TAS2R5: variants seen among roughly 807,000 people sequenced by gnomAD.
The protein encoded by TAS2R5 is taste receptor type 2 member 5.
In TAS2R5, 11 loss-of-function variants were observed where a neutral mutation model predicts 14.4. The observed-to-expected ratio is 0.77, with a 90% CI of 0.48 to 1.27. TAS2R5 has a LOEUF of 1.27. TAS2R5 is among the 50% of genes most tolerant of loss of function. The pLI, the probability that TAS2R5 is intolerant of heterozygous loss-of-function variation, is 0.00. For synonymous variants in TAS2R5, 120 were observed against 137.1 expected (o/e 0.87, Z 0.87); for missense variants, 339 against 353.9 (o/e 0.96, Z 0.34).
In TAS2R5 at chr7:141,790,244, A is replaced by G. The variant is rs185273213; in HGVS notation, c.-118A>G. On this transcript the variant is annotated 5_prime_UTR_variant, in exon 1 of 1. Coordinates refer to ENST00000247883, the MANE Select transcript of TAS2R5 (RefSeq NM_018980.3). ...GCTGTTCAGTCTCGCTTGAAGACAG[A>G]TTACGGAAGGACGAGGCCAAATCCA... The G allele has an allele frequency of 2.4e-5, 27 of 1,117,688 alleles. No individual in the cohort carries two copies. The African/African-American group carries it at 4.0e-4, about 17-fold the overall frequency. 69.2% of individuals were successfully genotyped at this position (1,117,688 alleles called of 1,614,324 possible).
In TAS2R5 at chr7:141,791,291, C is replaced by T; in HGVS notation, c.*30C>T. On this transcript the variant is annotated 3_prime_UTR_variant, in exon 1 of 1. Coordinates refer to ENST00000247883, the MANE Select transcript of TAS2R5 (RefSeq NM_018980.3). The stretch of plus-strand genomic sequence containing the variant: ...GGAAGAAAAGTGTGGTCAGGACACT[C>T]TTGGGACGCTCTTTTGATAGCTCTC... 6.3e-7 allele frequency: 1 copy of T among 1,576,904 alleles called. No homozygotes were observed. The highest frequency in any genetic ancestry group is 1.2e-5 in the South Asian group (1 of 84,116).
chr7:141,790,586 C>T lies in TAS2R5; in HGVS notation c.225C>T (p.Ser75=), dbSNP rs1255886219. 18 of 1,614,074 alleles carry T rather than the reference C, an allele frequency of 1.1e-5. No individual in the cohort carries two copies. Among genetic ancestry groups the T allele is most frequent in the Non-Finnish European group, 1.4e-5 (16 of 1,180,052 alleles). Reference sequence around the variant, plus strand: ...GCTTGTTTCCACTTTTCCAGAGCAGCCGTTGGCTTCGCTATCTTAGTATCT... The same window carrying T: ...GCTTGTTTCCACTTTTCCAGAGCAGTCGTTGGCTTCGCTATCTTAGTATCT... The part of the protein sequence containing the change: ...DLSLFPLFQS[S]RWLRYLSIFW... The change falls in exon 1 of 1, where the codon AGC becomes AGT. Residue 75 remains serine (S), a synonymous_variant. Transcript: ENST00000247883.
Position 141,790,490 on chromosome 7 carries a change from A to C in TAS2R5, c.129A>C (p.Ser43=), listed in dbSNP as rs1432630198. 6.2e-7 allele frequency: 1 copy of C among 1,614,108 alleles called. No individual in the cohort carries two copies. The highest frequency in any genetic ancestry group is 1.3e-5 in the African/African-American group (1 of 74,926). ...REWIRKFNWS[S]YNLIILGLAG... is the part of the protein sequence containing the mutation. The stretch of plus-strand genomic sequence containing the variant: ...GGATCAGAAAATTCAACTGGTCCTC[A>C]TATAACCTCATTATCCTGGGCCTGG... The change falls in exon 1 of 1, where the codon TCA becomes TCC. Residue 43 remains serine (S), a synonymous_variant. Coordinates refer to ENST00000247883, the MANE Select transcript of TAS2R5 (RefSeq NM_018980.3).
chr7:141,791,160 C>G lies in TAS2R5; in HGVS notation c.799C>G (p.Leu267Val), dbSNP rs1282677422. 5 of 1,614,176 alleles carry G rather than the reference C, an allele frequency of 3.1e-6. No individual in the cohort carries two copies. The highest frequency in any genetic ancestry group is 4.5e-5 in the East Asian group (2 of 44,876). Residue 267 changes from leucine to valine, a missense_variant, in exon 1 of 1, where the codon CTT becomes GTT. By Grantham distance (32) the Leu-to-Val change is conservative. Transcript: ENST00000247883. ...WETLMAAYPS[L>V]HSLILIMGIP... ...GACACTCATGGCAGCCTATCCTTCT[C>G]TTCATTCTCTCATATTGATCATGGG...
rs566218824 is a variant in TAS2R5 at position 141,791,343 on chromosome 7, T to C, written c.*82T>C. 17 of 1,412,890 alleles carry C rather than the reference T, an allele frequency of 1.2e-5. No individual in the cohort carries two copies. In the South Asian group the frequency reaches 2.4e-4, roughly 20 times the overall value. 87.5% of individuals were successfully genotyped at this position (1,412,890 alleles called of 1,614,324 possible). The stretch of plus-strand genomic sequence containing the variant: ...ATAAGGGAGCTGCTTTCCATGTCTT[T>C]TAAGATTTTCCTTCTTTTACACCAA... On this transcript the variant is annotated 3_prime_UTR_variant, in exon 1 of 1. Coordinates refer to ENST00000247883, the MANE Select transcript of TAS2R5 (RefSeq NM_018980.3).
At chr7:141,790,453 GT>G in the TAS2R5 span, 1 of 1,614,178 alleles carries the variant, frequency 6.2e-7, no homozygotes, top group Non-Finnish European at 8.5e-7. Flanking sequence ...GTGGTCTGGA[GT>G]TTTAGAGAAT....
At position 141,790,285 on chromosome 7, in the gene TAS2R5, A is replaced by G. The variant is rs373472323; in HGVS notation, c.-77A>G. ...GCCAAATCCAGATTTTGTGGTGTGAAAATTTACCCTGGTGTGTTATCACTA... is the reference window on the plus strand; with the variant it reads ...GCCAAATCCAGATTTTGTGGTGTGAGAATTTACCCTGGTGTGTTATCACTA... On this transcript the variant is annotated 5_prime_UTR_variant, in exon 1 of 1. Coordinates refer to ENST00000247883, the MANE Select transcript of TAS2R5 (RefSeq NM_018980.3). The G allele has an allele frequency of 9.1e-5, 137 of 1,508,584 alleles. 1 individual carries two copies. In the African/African-American group the frequency reaches 1.8e-3, roughly 19 times the overall value. 93.4% of individuals were successfully genotyped at this position (1,508,584 alleles called of 1,614,324 possible). A position where few individuals can be genotyped will look rare whatever the true frequency, so the allele number is the denominator to read the frequency against.
chr7:141,791,009 T>C lies in TAS2R5; in HGVS notation c.648T>C (p.Ala216=), dbSNP rs1245277801. ...SAGRRDVRAK[A]HITALKSLGC... ...GTAGGAGGGATGTCCGGGCCAAGGC[T>C]CACATCACTGCGCTGAAGTCCTTGG... is the stretch of plus-strand genomic sequence containing the variant. The change falls in exon 1 of 1, where the codon GCT becomes GCC. Residue 216 remains alanine, a synonymous_variant. Coordinates refer to ENST00000247883, the MANE Select transcript of TAS2R5 (RefSeq NM_018980.3). 8.7e-6 allele frequency: 14 copies of C among 1,614,086 alleles called. No homozygotes were observed. The highest frequency in any genetic ancestry group is 2.2e-5 in the East Asian group (1 of 44,888).
At position 141,790,287 on chromosome 7, in the gene TAS2R5, A is replaced by G; in HGVS notation, c.-75A>G. On this transcript the variant is annotated 5_prime_UTR_variant, in exon 1 of 1. Coordinates refer to ENST00000247883, the MANE Select transcript of TAS2R5 (RefSeq NM_018980.3). The stretch of plus-strand genomic sequence containing the variant: ...CAAATCCAGATTTTGTGGTGTGAAA[A>G]TTTACCCTGGTGTGTTATCACTACC... The G allele has an allele frequency of 6.6e-7, 1 of 1,514,348 alleles. No individual in the cohort carries two copies. The highest frequency in any genetic ancestry group is 8.9e-7 in the Non-Finnish European group (1 of 1,127,664). 93.8% of individuals were successfully genotyped at this position (1,514,348 alleles called of 1,614,324 possible).
In TAS2R5 at chr7:141,790,955, C is replaced by A; in HGVS notation, c.594C>A (p.His198Gln). 6.2e-7 allele frequency: 1 copy of A among 1,614,154 alleles called. No individual in the cohort carries two copies. The highest frequency in any genetic ancestry group is 8.5e-7 in the Non-Finnish European group (1 of 1,180,044). The change falls in exon 1 of 1, where the codon CAC becomes CAA. Residue 198 changes from histidine (H) to glutamine (Q), a missense_variant. His to Gln is a conservative substitution (Grantham distance 24). Transcript: ENST00000247883. ...TGCTGATTGTCTCTTTGTATACACA[C>A]CACAAGAAGATGAAGGTCCATTCAG... The part of the protein sequence containing the change: ...SGMLIVSLYT[H>Q]HKKMKVHSAG...
In TAS2R5 at chr7:141,790,261, C is replaced by T. The variant is rs1800425854; in HGVS notation, c.-101C>T. 5.1e-6 allele frequency: 7 copies of T among 1,359,772 alleles called. No homozygotes were observed. The highest frequency in any genetic ancestry group is 2.9e-5 in the African/African-American group (2 of 68,958). 84.2% of individuals were successfully genotyped at this position (1,359,772 alleles called of 1,614,324 possible). ...GAAGACAGATTACGGAAGGACGAGG[C>T]CAAATCCAGATTTTGTGGTGTGAAA... On this transcript the variant is annotated 5_prime_UTR_variant, in exon 1 of 1. Coordinates refer to ENST00000247883, the MANE Select transcript of TAS2R5 (RefSeq NM_018980.3).
Position 141,790,901 on chromosome 7 carries a change from T to C in TAS2R5, c.540T>C (p.Pro180=). The C allele has an allele frequency of 1.9e-6, 3 of 1,614,198 alleles. No individual in the cohort carries two copies. The highest frequency in any genetic ancestry group is 2.5e-6 in the Non-Finnish European group (3 of 1,180,042). ...AFQLNSGSYL[P]LVVFLVSSGM... is the part of the protein sequence containing the mutation. ...AGCTCAATTCAGGAAGTTATTTGCC[T>C]TTAGTGGTGTTTCTTGTTTCCTCTG... Residue 180 remains proline, a synonymous_variant, in exon 1 of 1, where the codon CCT becomes CCC. Coordinates refer to ENST00000247883, the MANE Select transcript of TAS2R5 (RefSeq NM_018980.3).
Position 141,791,001 on chromosome 7 carries a change from G to A in TAS2R5, c.640G>A (p.Ala214Thr). Reference protein sequence around the residue: ...VHSAGRRDVRAKAHITALKSL... With the variant: ...VHSAGRRDVRTKAHITALKSL... ...TTCAGCTGGTAGGAGGGATGTCCGG[G>A]CCAAGGCTCACATCACTGCGCTGAA... The change falls in exon 1 of 1, where the codon GCC (alanine) becomes ACC (threonine). Residue 214 changes from alanine (A) to threonine (T), a missense_variant. Transcript: ENST00000247883. 2 of 1,614,124 alleles carry A rather than the reference G, an allele frequency of 1.2e-6. No homozygotes were observed. Among genetic ancestry groups the A allele is most frequent in the Non-Finnish European group, 1.7e-6 (2 of 1,180,032 alleles).
chr7:141,790,817 C>G lies in TAS2R5; in HGVS notation c.456C>G (p.Pro152=). 6.2e-7 allele frequency: 1 copy of G among 1,614,134 alleles called. No homozygotes were observed. The highest frequency in any genetic ancestry group is 1.1e-5 in the South Asian group (1 of 91,078). ...TTGGCTTAACATTCTATCATCCTCC[C>G]CAAGGAAACAGCAGCATTCGGTATC... ...VQIGLTFYHP[P]QGNSSIRYPF... is the part of the protein sequence containing the mutation. The change falls in exon 1 of 1, where the codon CCC becomes CCG. Residue 152 remains proline (P), a synonymous_variant. Transcript: ENST00000247883.
Position 141,790,272 on chromosome 7 carries a change from T to G in TAS2R5, c.-90T>G. On this transcript the variant is annotated 5_prime_UTR_variant, in exon 1 of 1. Transcript: ENST00000247883. ...ACGGAAGGACGAGGCCAAATCCAGA[T>G]TTTGTGGTGTGAAAATTTACCCTGG... The G allele has an allele frequency of 3.5e-6, 5 of 1,428,048 alleles. No homozygotes were observed. Among genetic ancestry groups the G allele is most frequent in the Non-Finnish European group, 3.8e-6 (4 of 1,053,072 alleles). 88.5% of individuals were successfully genotyped at this position (1,428,048 alleles called of 1,614,324 possible).
Position 141,790,506 on chromosome 7 carries a change from C to T in TAS2R5, c.145C>T (p.Leu49=), listed in dbSNP as rs775480705. ...FNWSSYNLII[L]GLAGCRFLLQ... ...CTGGTCCTCATATAACCTCATTATC[C>T]TGGGCCTGGCTGGCTGCCGATTTCT... Residue 49 remains leucine, a synonymous_variant, in exon 1 of 1, where the codon CTG becomes TTG. Coordinates refer to ENST00000247883, the MANE Select transcript of TAS2R5 (RefSeq NM_018980.3). 21 of 1,614,052 alleles carry T rather than the reference C, an allele frequency of 1.3e-5. No individual in the cohort carries two copies. The East Asian group carries it at 3.3e-4, about 26-fold the overall frequency.
In TAS2R5 at chr7:141,790,233, C is replaced by T; in HGVS notation, c.-129C>T. 9.9e-7 allele frequency: 1 copy of T among 1,007,668 alleles called. No individual in the cohort carries two copies. The highest frequency in any genetic ancestry group is 1.6e-5 in the South Asian group (1 of 62,432). 62.4% of individuals were successfully genotyped at this position (1,007,668 alleles called of 1,614,324 possible). ...TCCTCATCACAGCTGTTCAGTCTCG[C>T]TTGAAGACAGATTACGGAAGGACGA... On this transcript the variant is annotated 5_prime_UTR_variant, in exon 1 of 1. Transcript: ENST00000247883.
In TAS2R5 at chr7:141,791,072, C is replaced by T. The variant is rs1800442383; in HGVS notation, c.711C>T (p.Ala237=). 1 of 1,614,196 alleles carries T rather than the reference C, an allele frequency of 6.2e-7. No homozygotes were observed. The highest frequency in any genetic ancestry group is 2.2e-5 in the East Asian group (1 of 44,884). The part of the protein sequence containing the change: ...FLLLHLVYIM[A]SPFSITSKTY... Reference sequence around the variant, plus strand: ...TACTTCACCTGGTTTATATCATGGCCAGCCCCTTCTCCATCACCTCCAAGA... The same window carrying T: ...TACTTCACCTGGTTTATATCATGGCTAGCCCCTTCTCCATCACCTCCAAGA... Residue 237 remains alanine, a synonymous_variant, in exon 1 of 1, where the codon GCC becomes GCT. Transcript: ENST00000247883.
Position 141,790,500 on chromosome 7 carries a change from A to T in TAS2R5, c.139A>T (p.Ile47Phe). The T allele has an allele frequency of 6.2e-7, 1 of 1,614,120 alleles. No homozygotes were observed. Among genetic ancestry groups the T allele is most frequent in the Non-Finnish European group, 8.5e-7 (1 of 1,179,992 alleles). Reference sequence around the variant, plus strand: ...ATTCAACTGGTCCTCATATAACCTCATTATCCTGGGCCTGGCTGGCTGCCG... The same window carrying T: ...ATTCAACTGGTCCTCATATAACCTCTTTATCCTGGGCCTGGCTGGCTGCCG... Reference protein sequence around the residue: ...RKFNWSSYNLIILGLAGCRFL... With the variant: ...RKFNWSSYNLFILGLAGCRFL... The change falls in exon 1 of 1, where the codon ATT (isoleucine) becomes TTT (phenylalanine). Residue 47 changes from isoleucine (I) to phenylalanine (F), a missense_variant. Coordinates refer to ENST00000247883, the MANE Select transcript of TAS2R5 (RefSeq NM_018980.3).
Sources: gnomAD v4.1 joint callset for allele counts on GRCh38, gnomAD v4.1.1 for gene constraint, MANE v1.5 for transcripts, NCBI Gene and HGNC (gene_info 2026-07-23, HGNC 2026-07-21) for gene names.